The following CACNA2D1 variants were observed in gnomAD, a reference collection of about 807,000 sequenced individuals.
CACNA2D1 encodes the protein voltage-dependent calcium channel subunit alpha-2/delta-1.
In CACNA2D1, 53 loss-of-function variants were observed where a neutral mutation model predicts 171.5. That is an observed-to-expected ratio of 0.31 (90% confidence interval 0.25 to 0.39). CACNA2D1 has a LOEUF of 0.39. CACNA2D1 is among the 10% of genes least tolerant of loss of function. The pLI is 1.00. For missense variants in CACNA2D1, 903 were observed against 1,299.8 expected (o/e 0.69, Z 4.69); for synonymous variants, 442 against 443.1 (o/e 1.00, Z 0.03).
At chr7:82,167,856 A>C (rs1158181490) in intron 4 of CACNA2D1, among the ~76,000 whole-genome samples, 1 of 152,130 alleles carries the variant, frequency 6.6e-6, no homozygotes, top group East Asian at 1.9e-4. Context: ...GAATTTCTTC[A>C]AGAATTCTCC....
At chr7:82,424,218 C>A (rs1828973250) in intron 1 of CACNA2D1, among the ~76,000 whole-genome samples, 2 of 152,102 alleles carry the variant, frequency 1.3e-5, no homozygotes, top group African/African-American at 4.8e-5. Context: ...CAGCAGCACT[C>A]TGAAAATAAA....
chr7:82,183,407 ATCAAGTTTTCACT>A (rs1797348381), intron 3 of CACNA2D1, among the ~76,000 whole-genome samples: 1 of 152,176 alleles, frequency 6.6e-6, no homozygotes, highest in African/African-American at 2.4e-5. Context: ...TAAAAATATC[ATCAAGTTTTCACT>A]TCAGTTATTC....
chr7:82,184,319 T>C (rs7785332), intron 3 of CACNA2D1, among the ~76,000 whole-genome samples: 53,831 of 151,746 alleles, frequency 0.35, 9,692 homozygotes, highest in East Asian at 0.48. Context: ...CAATCAAATT[T>C]GTAAAATATA....
At chr7:82,406,843 CATT>C (rs1827111658) in intron 1 of CACNA2D1, among the ~76,000 whole-genome samples, 2 of 152,166 alleles carry the variant, frequency 1.3e-5, no homozygotes, top group African/African-American at 2.4e-5. Flanking sequence ...TTTTTTGTCT[CATT>C]AATTTGTTAA....
At chr7:82,354,813 G>A (rs1287323847) in intron 1 of CACNA2D1, among the ~76,000 whole-genome samples, 1 of 152,008 alleles carries the variant, frequency 6.6e-6, no homozygotes, top group East Asian at 1.9e-4. Context: ...ATGAATGTGG[G>A]GCAGATACCA....
intron 7 of CACNA2D1, among the ~76,000 whole-genome samples, chr7:82,075,927 A>G (rs2128998697): frequency 6.6e-6 from 1 of 152,278 alleles, no homozygotes; most frequent in South Asian, 2.1e-4. Flanking sequence ...AAAACAGCTA[A>G]ATTTTTTTAG....
At chr7:82,016,791 A>G (rs1352444335) in intron 12 of CACNA2D1, among the ~76,000 whole-genome samples, 4 of 151,618 alleles carry the variant, frequency 2.6e-5, no homozygotes, top group African/African-American at 4.8e-5. Context: ...AACACGCCAA[A>G]CTCTTTTGTA....
At chr7:81,984,922 A>T (rs145541364) in intron 21 of CACNA2D1, among the ~76,000 whole-genome samples, 8 of 152,240 alleles carry the variant, frequency 5.3e-5, no homozygotes, top group African/African-American at 1.9e-4. Flanking sequence ...CATTGTAGGG[A>T]ATCAGAAGAG....
At chr7:82,343,466 T>C (rs1188559490) in intron 2 of CACNA2D1, among the ~76,000 whole-genome samples, 1 of 152,214 alleles carries the variant, frequency 6.6e-6, no homozygotes, top group Non-Finnish European at 1.5e-5. Flanking sequence ...TAACCAGAAG[T>C]GCAGGTTGTC....
At chr7:82,064,379 CT>C in intron 8 of CACNA2D1, 25 bp from the exon 9 acceptor site, 1 of 1,535,900 alleles carries the variant, frequency 6.5e-7, no homozygotes, top group Non-Finnish European at 9.0e-7. Flanking sequence ...GTAATAAATG[CT>C]TTTCTCTTCC....
intron 1 of CACNA2D1, among the ~76,000 whole-genome samples, chr7:82,378,828 T>C (rs563852865): frequency 9.2e-5 from 14 of 152,282 alleles, no homozygotes; most frequent in African/African-American, 3.4e-4. Context: ...AAGTTCTGTA[T>C]TTGTCAGGAT....
intron 1 of CACNA2D1, among the ~76,000 whole-genome samples, chr7:82,409,652 T>A (rs1380563004): frequency 1.3e-5 from 2 of 152,186 alleles, no homozygotes; most frequent in Non-Finnish European, 2.9e-5. Context: ...ATCTGTGGTA[T>A]AAAGCCACTG....
intron 3 of CACNA2D1, among the ~76,000 whole-genome samples, chr7:82,305,749 T>A (rs1476570994): frequency 6.6e-6 from 1 of 152,206 alleles, no homozygotes; most frequent in East Asian, 1.9e-4. Flanking sequence ...TCCTATTAAT[T>A]TGCTTTTCGT....
chr7:82,413,551 A>C (rs1048723137), intron 1 of CACNA2D1, among the ~76,000 whole-genome samples: 5 of 152,260 alleles, frequency 3.3e-5, no homozygotes, highest in Non-Finnish European at 5.9e-5. Flanking sequence ...CATACTTGGC[A>C]GAAAAACATT....
At chr7:81,951,975 T>TTTTTTTTTTTTTTTTGTTTG (rs1792617830) in intron 38 of CACNA2D1, among the ~76,000 whole-genome samples, 1 of 147,376 alleles carries the variant, frequency 6.8e-6, no homozygotes, top group African/African-American at 2.5e-5. Context: ...AAGTGTTTTT[T>TTTTTTTTTTTTTTTTGTTTG]TTTTTTTTTT....
intron 5 of CACNA2D1, among the ~76,000 whole-genome samples, chr7:82,125,878 A>C (rs1301005452): frequency 2.0e-5 from 3 of 152,238 alleles, no homozygotes; most frequent in African/African-American, 4.8e-5. Flanking sequence ...TCATGACAAT[A>C]AAATGAAAAA....
intron 3 of CACNA2D1, among the ~76,000 whole-genome samples, chr7:82,253,044 G>A (rs1805859900): frequency 6.6e-6 from 1 of 152,136 alleles, no homozygotes; most frequent in Non-Finnish European, 1.5e-5. Context: ...ATAAAATTAA[G>A]GGTGTCCAAA....
At chr7:82,106,524 A>ATTT (rs79885476) in intron 6 of CACNA2D1, among the ~76,000 whole-genome samples, 3 of 150,230 alleles carry the variant, frequency 2.0e-5, no homozygotes, top group Non-Finnish European at 3.0e-5. Flanking sequence ...TTTCCTTTTA[A>ATTT]TTTTTTTTTT....
At chr7:82,050,466 A>G in intron 10 of CACNA2D1, 1 of 654,362 alleles carries the variant, frequency 1.5e-6, no homozygotes, top group Admixed American at 2.3e-5. Flanking sequence ...CTGCATAGGT[A>G]GTGAGATGGG....
Sources: allele counts gnomAD v4.1 joint callset (sites outside exome capture counted in the v4.1 genomes callset), GRCh38; gene constraint gnomAD v4.1.1; transcripts MANE v1.5; gene names NCBI Gene and HGNC (gene_info 2026-07-23, HGNC 2026-07-21).